APOL4: variants seen among roughly 807,000 people sequenced by gnomAD.
APOL4 encodes the protein apolipoprotein L4.
Under a neutral mutation model 12.1 loss-of-function variants are expected in APOL4, and 14 were observed. That is an observed-to-expected ratio of 1.16 (90% CI 0.76 to 1.81). APOL4 has a LOEUF of 1.81. Among genes scored for constraint, APOL4 ranks in the 40% most tolerant of loss-of-function variants. The pLI is 0.00. For synonymous variants in APOL4, 171 were observed against 160.6 expected (o/e 1.06, Z -0.49); for missense variants, 432 against 423.1 (o/e 1.02, Z -0.18).
chr22:36,202,243 A>T (rs1039055129), upstream of APOL4: 7 of 722,296 alleles, frequency 9.7e-6, no homozygotes, highest in Admixed American at 1.9e-4. Context: ...AGTAGCTGGG[A>T]CTACAGGTGC....
At chr22:36,198,365 T>C (rs2014473234) in intron 2 of APOL4, among the ~76,000 whole-genome samples, 1 of 152,242 alleles carries the variant, frequency 6.6e-6, no homozygotes, top group Non-Finnish European at 1.5e-5. Context: ...CACTTCCATA[T>C]TCACCCGATA....
chr22:36,199,219 G>A lies in APOL4; in HGVS notation c.82+111C>T, dbSNP rs540076460. The A allele has an allele frequency of 1.4e-4, 207 of 1,463,362 alleles. No homozygotes were observed. The African/African-American group carries it at 2.0e-3, about 14-fold the overall frequency. 90.6% of individuals were successfully genotyped at this position (1,463,362 alleles called of 1,614,324 possible). Reference sequence around the variant, plus strand: ...CATCAGCCACCTCCGTCTGGGTTCCGTTGGGGCTCACTCAGCCTTGAAGAC... The same window carrying A: ...CATCAGCCACCTCCGTCTGGGTTCCATTGGGGCTCACTCAGCCTTGAAGAC... On this transcript the variant is annotated intron_variant, in intron 2 of 3. Transcript: ENST00000683024.
At chr22:36,193,539 C>T (rs1176297627) in intron 3 of APOL4, among the ~76,000 whole-genome samples, 4 of 152,188 alleles carry the variant, frequency 2.6e-5, no homozygotes, top group Non-Finnish European at 5.9e-5. Flanking sequence ...AAACCACAAT[C>T]GTGCAATAAC....
chr22:36,204,616 TC>T, upstream of APOL4: 1 of 602,550 alleles, frequency 1.7e-6, no homozygotes, highest in South Asian at 2.9e-5. Flanking sequence ...GGTCACACCA[TC>T]CCCAACTTAC....
At position 36,195,709 on chromosome 22, in the gene APOL4, G is replaced by A. The variant is rs5995244; in HGVS notation, c.83-272C>T. 3.9e-3 allele frequency among the ~76,000 whole-genome samples: 580 copies of A among 149,918 alleles called. 6 individuals are homozygous for A. The highest frequency in any genetic ancestry group is 0.014 in the African/African-American group (559 of 40,886). ...AGTAGGGACCTACTCCTATAGGACT[G>A]GTGTCCAATTAAAAGAAAAAAAAGA... On this transcript the variant is annotated intron_variant, in intron 2 of 3. Coordinates refer to ENST00000683024, the MANE Select transcript of APOL4 (RefSeq NM_001386885.1).
Position 36,191,340 on chromosome 22 carries a change from C to A in APOL4, c.782G>T (p.Trp261Leu). Residue 261 changes from tryptophan to leucine, a missense_variant, in exon 4 of 4, where the codon TGG becomes TTG. Physicochemically the swap from Trp to Leu is moderately conservative, Grantham distance 61. Coordinates refer to ENST00000683024, the MANE Select transcript of APOL4 (RefSeq NM_001386885.1). ...KATVGRPLIA[W>L]RYVPINVVET... The stretch of plus-strand genomic sequence containing the variant: ...AACAACATTTATAGGTACATATCGC[C>A]AAGCAATCAAAGGGCGTCCAACAGT... 2 of 1,614,054 alleles carry A rather than the reference C, an allele frequency of 1.2e-6. No individual in the cohort carries two copies. The highest frequency in any genetic ancestry group is 1.7e-6 in the Non-Finnish European group (2 of 1,179,908).
upstream of APOL4, among the ~76,000 whole-genome samples, chr22:36,202,895 A>G (rs2014628420): frequency 6.6e-6 from 1 of 152,104 alleles, no homozygotes; most frequent in East Asian, 1.9e-4. Context: ...CAGCTCTTGG[A>G]GAGCAGACGG....
In APOL4 at chr22:36,191,563, T is replaced by C; in HGVS notation, c.559A>G (p.Ser187Gly). The C allele has an allele frequency of 3.7e-6, 6 of 1,613,948 alleles. No homozygotes were observed. Among genetic ancestry groups the C allele is most frequent in the Non-Finnish European group, 5.1e-6 (6 of 1,179,854 alleles). The change falls in exon 4 of 4, where the codon AGC becomes GGC. Residue 187 changes from serine to glycine, a missense_variant. Physicochemically the swap from Ser to Gly is moderately conservative, Grantham distance 56. Coordinates refer to ENST00000683024, the MANE Select transcript of APOL4 (RefSeq NM_001386885.1). Reference sequence around the variant, plus strand: ...CTTGTGTATGTGTTCTCCACGATGCTGGAGGCGATCCCAGCCGTGGCAGAT... The same window carrying C: ...CTTGTGTATGTGTTCTCCACGATGCCGGAGGCGATCCCAGCCGTGGCAGAT... ...IASATAGIAS[S>G]IVENTYTRSA... is the part of the protein sequence containing the mutation.
upstream of APOL4, among the ~76,000 whole-genome samples, chr22:36,202,946 A>G (rs1321735605): frequency 2.0e-5 from 3 of 152,110 alleles, no homozygotes; most frequent in African/African-American, 7.2e-5. Flanking sequence ...ATTGAAGAAA[A>G]ACGGGTGATT....
At chr22:36,195,582 A>C in intron 2 of APOL4, 145 bp from the exon 3 acceptor site, 1 of 863,660 alleles carries the variant, frequency 1.2e-6, no homozygotes, top group Non-Finnish European at 1.7e-6. Context: ...TATAGACTGA[A>C]TTGTGTGCCC....
chr22:36,199,567 C>G (rs1310113968), intron 1 of APOL4, 191 bp from the exon 2 acceptor site: 1 of 1,565,938 alleles, frequency 6.4e-7, no homozygotes, highest in African/African-American at 1.4e-5. Flanking sequence ...CATTCCAGCT[C>G]CCTCTTCCCT....
In APOL4 at chr22:36,191,047, G is replaced by A. The variant is rs1357542861; in HGVS notation, c.*28C>T. On this transcript the variant is annotated 3_prime_UTR_variant, in exon 4 of 4. Transcript: ENST00000683024. ...GGCTTCAGCCAGTCCCTCCGTTTGG[G>A]GTCCCTGACTTCCCGCAACAATTGG... The A allele has an allele frequency of 5.8e-6, 9 of 1,547,228 alleles. No homozygotes were observed. The Admixed American group carries it at 1.8e-4, about 30-fold the overall frequency.
chr22:36,196,475 T>C (rs552018458), intron 2 of APOL4, among the ~76,000 whole-genome samples: 1 of 152,294 alleles, frequency 6.6e-6, no homozygotes, highest in East Asian at 1.9e-4. Flanking sequence ...GGTACAAATG[T>C]TTCAACCAGG....
chr22:36,191,241 G>A lies in APOL4; in HGVS notation c.881C>T (p.Ser294Leu), dbSNP rs1295685810. ...TACATCCAGCACAACAAGGACACCT[G>A]AAGTGGCCTTGCCCAGGTTCCGGGC... The part of the protein sequence containing the change: ...KVARNLGKAT[S>L]GVLVVLDVVN... Residue 294 changes from serine to leucine, a missense_variant, in exon 4 of 4, where the codon TCA becomes TTA. Ser to Leu is a moderately radical substitution (Grantham distance 145). Coordinates refer to ENST00000683024, the MANE Select transcript of APOL4 (RefSeq NM_001386885.1). The A allele has an allele frequency of 6.2e-7, 1 of 1,613,936 alleles. No individual in the cohort carries two copies. Among genetic ancestry groups the A allele is most frequent in the Non-Finnish European group, 8.5e-7 (1 of 1,179,902 alleles).
chr22:36,204,677 CTG>C, upstream of APOL4: 1 of 737,308 alleles, frequency 1.4e-6, no homozygotes, highest in Non-Finnish European at 2.0e-6. Context: ...CTGGTCTGAG[CTG>C]TGTGGATCTC....
At chr22:36,193,660 G>A (rs5756098) in intron 3 of APOL4, among the ~76,000 whole-genome samples, 85,957 of 152,086 alleles carry the variant, frequency 0.57, 24,864 homozygotes, top group East Asian at 0.82. Context: ...GCACTCGAAC[G>A]TTGCAGTTCA....
intron 2 of APOL4, among the ~76,000 whole-genome samples, chr22:36,196,227 C>T (rs2014410311): frequency 1.3e-5 from 2 of 152,168 alleles, no homozygotes; most frequent in Admixed American, 1.3e-4. Flanking sequence ...TTCATTGTGT[C>T]AAGAGCAGCA....
chr22:36,189,976 G>T lies in APOL4; in HGVS notation c.*1099C>A. ...GCTCACCTTCCCTGGTGGCTGCACT[G>T]CTCTGGGGTCATTGGGTATCGGGGA... On this transcript the variant is annotated 3_prime_UTR_variant, in exon 4 of 4. Transcript: ENST00000683024. 1 of 209,896 alleles carries T rather than the reference G, an allele frequency of 4.8e-6. No individual in the cohort carries two copies. The highest frequency in any genetic ancestry group is 1.0e-5 in the Non-Finnish European group (1 of 98,794). 13.0% of individuals were successfully genotyped at this position (209,896 alleles called of 1,614,324 possible).
Position 36,195,433 on chromosome 22 carries a change from C to G in APOL4, c.87G>C (p.Lys29Asn). The change falls in exon 3 of 4, where the codon AAG (lysine) becomes AAC (asparagine). Residue 29 changes from lysine to asparagine, a missense_variant. Coordinates refer to ENST00000683024, the MANE Select transcript of APOL4 (RefSeq NM_001386885.1). ...GWTVAGQFQE[K>N]KRFTEEVIEY... is the part of the protein sequence containing the mutation. Reference sequence around the variant, plus strand: ...CAATGACTTCTTCAGTGAAGCGTTTCTTTTCTAGTTGGAAACAAAAAGGAT... The same window carrying G: ...CAATGACTTCTTCAGTGAAGCGTTTGTTTTCTAGTTGGAAACAAAAAGGAT... The G allele has an allele frequency of 6.2e-7, 1 of 1,612,862 alleles. No homozygotes were observed. The highest frequency in any genetic ancestry group is 1.1e-5 in the South Asian group (1 of 90,990).
Sources: allele counts gnomAD v4.1 joint callset (sites outside exome capture counted in the v4.1 genomes callset), GRCh38; gene constraint gnomAD v4.1.1; transcripts MANE v1.5; gene names NCBI Gene and HGNC (gene_info 2026-07-23, HGNC 2026-07-21).